Variants in DNM1 observed in about 807,000 individuals in gnomAD.
The protein encoded by DNM1 is dynamin 1.
DNM1 carries 29 observed loss-of-function variants against 104.6 expected under a neutral mutation model. The observed-to-expected ratio is 0.28, with a 90% CI of 0.21 to 0.38. The LOEUF (loss-of-function observed/expected upper bound fraction) is 0.38. Ranked by LOEUF, DNM1 falls within the 10% of genes least tolerant of loss-of-function variation. The pLI is 1.00. For synonymous variants in DNM1, 445 were observed against 475.8 expected (o/e 0.94, Z 0.84); for missense variants, 640 against 1,189.4 (o/e 0.54, Z 6.79).
intron 9 of DNM1, 141 bp downstream of exon 9, chr9:128,223,001 C>T: frequency 2.4e-6 from 2 of 821,818 alleles, no homozygotes; most frequent in East Asian, 5.1e-5. Context: ...AACTTTCTGG[C>T]TCCCTGCATG....
At chr9:128,206,823 A>G (rs2131089945) in intron 1 of DNM1, among the ~76,000 whole-genome samples, 1 of 151,226 alleles carries the variant, frequency 6.6e-6, no homozygotes, top group Middle Eastern at 3.4e-3. Context: ...GTTTGGGTTT[A>G]TTTTCTCTCT....
At chr9:128,219,838 G>C (rs1418399111) in intron 4 of DNM1, 150 bp from the exon 5 acceptor site, 2 of 572,340 alleles carry the variant, frequency 3.5e-6, no homozygotes, top group Non-Finnish European at 6.2e-6. Flanking sequence ...AATCATTTTG[G>C]CTACTCTGTG....
chr9:128,233,393 C>G (rs1256158319), intron 10 of DNM1, among the ~76,000 whole-genome samples: 1 of 152,096 alleles, frequency 6.6e-6, no homozygotes, highest in Non-Finnish European at 1.5e-5. Context: ...CCTTGCATGT[C>G]CCCCAGCCCT....
At position 128,222,317 on chromosome 9, in the gene DNM1, C is replaced by G. The variant is rs773592845; in HGVS notation, c.970C>G (p.Arg324Gly). Residue 324 changes from arginine to glycine, a missense_variant, in exon 7 of 22, where the codon CGC (arginine) becomes GGC (glycine). Transcript: ENST00000372923. The surrounding 1 kb of genome is among the most constrained non-coding windows in gnomAD (Gnocchi z 7.8). ...GAACTTCCGCCCTGATGACCCAGCT[C>G]GCAAGACCAAGGCCCTGCTGCAGTG... ...YKNFRPDDPA[R>G]KTKALLQMVQ... 1 of 1,613,704 alleles carries G rather than the reference C, an allele frequency of 6.2e-7. No individual in the cohort carries two copies. Among genetic ancestry groups the G allele is most frequent in the Admixed American group, 1.7e-5 (1 of 59,996 alleles).
At chr9:128,231,168 T>C (rs994454837) in intron 10 of DNM1, among the ~76,000 whole-genome samples, 8 of 143,784 alleles carry the variant, frequency 5.6e-5, no homozygotes, top group South Asian at 2.3e-4. Flanking sequence ...AGCTTTGGTC[T>C]AAAAGGAGGA....
Position 128,247,320 on chromosome 9 carries a change from C to A in DNM1, c.1782-55C>A. 2 of 1,319,464 alleles carry A rather than the reference C, an allele frequency of 1.5e-6. No homozygotes were observed. The highest frequency in any genetic ancestry group is 2.4e-5 in the East Asian group (1 of 41,108). The allele number at this position is 1,319,464 out of a possible 1,614,324, so 81.7% of individuals were successfully genotyped here. ...CCAAAGTCTGGGCATGCCCTTAACC[C>A]CCAGGGAGGGTCAGACTTTGCCCAT... is the stretch of plus-strand genomic sequence containing the variant. On this transcript the variant is annotated intron_variant, in intron 16 of 21. Coordinates refer to ENST00000372923, the MANE Select transcript of DNM1 (RefSeq NM_004408.4). The surrounding 1 kb of genome is among the most constrained non-coding windows in gnomAD (Gnocchi z 5.1).
intron 15 of DNM1, among the ~76,000 whole-genome samples, 181 bp from the exon 16 acceptor site, chr9:128,246,213 C>CG (rs987822367): frequency 2.6e-5 from 4 of 152,220 alleles, no homozygotes; most frequent in Non-Finnish European, 5.9e-5. Context: ...ACTGGCTCTG[C>CG]GGGGGTCGGC....
In DNM1 at chr9:128,239,784, G is replaced by A. The variant is rs1836248961; in HGVS notation, c.1545+5G>A. 2 of 1,613,460 alleles carry A rather than the reference G, an allele frequency of 1.2e-6. No homozygotes were observed. Among genetic ancestry groups the A allele is most frequent in the South Asian group, 1.1e-5 (1 of 91,030 alleles). ...AAGAAGACTTCAGGGAACCAGGTGAGTGGGGCCCAGCACCCCAGCCCGAGG... is the reference window on the plus strand; with the variant it reads ...AAGAAGACTTCAGGGAACCAGGTGAATGGGGCCCAGCACCCCAGCCCGAGG... On this transcript the variant is annotated splice_donor_5th_base_variant and intron_variant, in intron 13 of 21. Coordinates refer to ENST00000372923, the MANE Select transcript of DNM1 (RefSeq NM_004408.4).
rs966171067 is a variant in DNM1, at chr9:128,254,569, C to T, written c.2535-85C>T. On this transcript the variant is annotated intron_variant, in intron 21 of 21. Transcript: ENST00000372923. The surrounding 1 kb of genome is among the most constrained non-coding windows in gnomAD (Gnocchi z 6.1). ...CCCACCACTGCTGCGGCGCGGCCGG[C>T]CCCGGCCGTGTGCTGCGCTTGCCTT... The T allele has an allele frequency of 3.2e-6, 5 of 1,587,150 alleles. No homozygotes were observed. Among genetic ancestry groups the T allele is most frequent in the Admixed American group, 3.4e-5 (2 of 59,202 alleles).
rs921899003 is a variant in DNM1, at chr9:128,224,451, G to A, written c.1335+62G>A. The A allele has an allele frequency of 1.2e-5, 19 of 1,523,252 alleles. No individual in the cohort carries two copies. Among genetic ancestry groups the A allele is most frequent in the South Asian group, 3.7e-5 (3 of 80,178 alleles). 94.4% of individuals were successfully genotyped at this position (1,523,252 alleles called of 1,614,324 possible). On this transcript the variant is annotated intron_variant, in intron 10 of 21. Transcript: ENST00000372923. This position sits in a 1 kb window ranked among gnomAD's most constrained non-coding sequence, Gnocchi z 4.3. ...GCCCCGCCCTGCACTGCTGCCAGGCGCTCCTTCCCCATGTCCCCCCCTGCC... is the reference window on the plus strand; with the variant it reads ...GCCCCGCCCTGCACTGCTGCCAGGCACTCCTTCCCCATGTCCCCCCCTGCC...
chr9:128,217,812 A>G (rs1239599345), intron 1 of DNM1, among the ~76,000 whole-genome samples: 1 of 152,100 alleles, frequency 6.6e-6, no homozygotes, highest in Non-Finnish European at 1.5e-5. Context: ...GCCCTGCCCC[A>G]CAGCGGAAGG....
At chr9:128,233,307 G>T (rs1835811600) in intron 10 of DNM1, among the ~76,000 whole-genome samples, 1 of 152,206 alleles carries the variant, frequency 6.6e-6, no homozygotes, top group Non-Finnish European at 1.5e-5. Context: ...AAGGGAGACA[G>T]AGCTGAATGG....
At chr9:128,239,580 G>T in intron 12 of DNM1, 65 bp downstream of exon 12, 1 of 1,036,072 alleles carries the variant, frequency 9.7e-7, no homozygotes, top group African/African-American at 2.1e-5. Flanking sequence ...GTGTGTGTGT[G>T]TGTGTGTGTG....
At chr9:128,219,864 G>A (rs1834837594) in intron 4 of DNM1, 124 bp from the exon 5 acceptor site, 1 of 650,296 alleles carries the variant, frequency 1.5e-6, no homozygotes, top group Admixed American at 3.0e-5. Context: ...TGAATAAGGG[G>A]GAAAGAGAGG....
rs117869212 is a variant in DNM1, at chr9:128,240,263, T to C, written c.1557+267T>C. ...TGAGAAGGCTGGGCCTGGCACGGAG[T>C]AGGTGCTCCTTAAACATCTGCTGGA... On this transcript the variant is annotated intron_variant, in intron 14 of 21. Coordinates refer to ENST00000372923, the MANE Select transcript of DNM1 (RefSeq NM_004408.4). The surrounding 1 kb of genome is among the most constrained non-coding windows in gnomAD (Gnocchi z 5.1). 5.6e-3 allele frequency among the ~76,000 whole-genome samples: 852 copies of C among 152,186 alleles called. 4 individuals carry two copies. The highest frequency in any genetic ancestry group is 6.2e-3 in the Non-Finnish European group (420 of 67,994).
chr9:128,244,831 T>C (rs763494265), intron 15 of DNM1: 1 of 531,754 alleles, frequency 1.9e-6, no homozygotes, highest in South Asian at 1.4e-5. Flanking sequence ...TGTCCTCTGG[T>C]CCATCCAGGC....
rs1262309290 is a variant in DNM1 at position 128,250,908 on chromosome 9, G to A, written c.2502G>A (p.Ser834=). 7.3e-7 allele frequency: 1 copy of A among 1,365,740 alleles called. No individual in the cohort carries two copies. Among genetic ancestry groups the A allele is most frequent in the Middle Eastern group, 2.2e-4 (1 of 4,600 alleles). The allele number at this position is 1,365,740 out of a possible 1,614,324, so 84.6% of individuals were successfully genotyped here. The change falls in exon 21 of 22, where the codon TCG becomes TCA. Residue 834 remains serine, a synonymous_variant. Coordinates refer to ENST00000372923, the MANE Select transcript of DNM1 (RefSeq NM_004408.4). The part of the protein sequence containing the change: ...DPFGPPPQVP[S]RPNRAPPGVP... ...TCGGCCCTCCCCCTCAGGTGCCCTCGCGCCCCAACCGCGCCCCGCCCGGGG... is the reference window on the plus strand; with the variant it reads ...TCGGCCCTCCCCCTCAGGTGCCCTCACGCCCCAACCGCGCCCCGCCCGGGG...
intron 1 of DNM1, among the ~76,000 whole-genome samples, chr9:128,212,372 GA>G (rs1443424141): frequency 4.6e-5 from 7 of 152,200 alleles, no homozygotes; most frequent in Non-Finnish European, 1.0e-4. Context: ...CTACTTCGGA[GA>G]TTGAGGTGGG....
intron 1 of DNM1, among the ~76,000 whole-genome samples, chr9:128,206,883 G>A (rs1288845184): frequency 6.6e-6 from 1 of 152,060 alleles, no homozygotes; most frequent in African/African-American, 2.4e-5. Flanking sequence ...TAGCAAGGGT[G>A]TGACTTGGGG....
Sources: gnomAD v4.1 joint callset for allele counts (sites outside exome capture counted in the v4.1 genomes callset) on GRCh38, gnomAD v4.1.1 for gene constraint, Gnocchi (gnomAD v3.1) non-coding constraint, MANE v1.5 for transcripts, NCBI Gene and HGNC (gene_info 2026-07-23, HGNC 2026-07-21) for gene names.